PTPRD: variants seen among roughly 807,000 people sequenced by gnomAD.
PTPRD encodes receptor-type tyrosine-protein phosphatase delta.
PTPRD carries 34 observed loss-of-function variants against 214.5 expected under a neutral mutation model. That is an observed-to-expected ratio of 0.16 (90% CI 0.12 to 0.21). The LOEUF is 0.21. PTPRD is among the 10% of genes least tolerant of loss of function. The pLI is 1.00. For missense variants in PTPRD, 2,545 were observed against 2,398.7 expected (o/e 1.06, Z -1.27); for synonymous variants, 1,128 against 845.7 (o/e 1.33, Z -5.79).
At chr9:9,937,523 C>A (rs2089984813) in intron 5 of PTPRD, among the ~76,000 whole-genome samples, 1 of 151,598 alleles carries the variant, frequency 6.6e-6, no homozygotes. Context: ...ACTATAAAAA[C>A]ATAATTCTGT....
intron 7 of PTPRD, among the ~76,000 whole-genome samples, chr9:9,694,578 G>C (rs967273176): frequency 1.3e-5 from 2 of 152,048 alleles, no homozygotes; most frequent in Non-Finnish European, 2.9e-5. Flanking sequence ...GGAATGTCCA[G>C]AGATGCTGTC....
intron 11 of PTPRD, among the ~76,000 whole-genome samples, chr9:9,015,990 T>G (rs1283718987): frequency 6.6e-6 from 1 of 152,090 alleles, no homozygotes; most frequent in East Asian, 1.9e-4. Flanking sequence ...GCAGAAGAAT[T>G]GGGCCTTAAA....
chr9:8,431,558 C>T (rs1158517241), intron 35 of PTPRD, among the ~76,000 whole-genome samples: 1 of 152,054 alleles, frequency 6.6e-6, no homozygotes, highest in African/African-American at 2.4e-5. Flanking sequence ...GTGATGATGC[C>T]TACTGATTAA....
chr9:10,179,868 A>T (rs990614995), intron 3 of PTPRD, among the ~76,000 whole-genome samples: 4 of 152,128 alleles, frequency 2.6e-5, no homozygotes, highest in Non-Finnish European at 5.9e-5. Flanking sequence ...TTAGACAATA[A>T]CTGCAAAACT....
chr9:8,408,505 G>C (rs1419615989), intron 35 of PTPRD, among the ~76,000 whole-genome samples: 1 of 152,060 alleles, frequency 6.6e-6, no homozygotes, highest in Non-Finnish European at 1.5e-5. Context: ...CCGTTGTGGA[G>C]AATTTTGCAA....
intron 10 of PTPRD, among the ~76,000 whole-genome samples, chr9:9,138,929 A>G (rs925362947): frequency 1.3e-5 from 2 of 152,176 alleles, no homozygotes; most frequent in African/African-American, 4.8e-5. Flanking sequence ...TACCCTAGAC[A>G]CTAAGTAATA....
rs145143984 is a variant in PTPRD, at chr9:8,539,157, G to A, written c.353-10378C>T. Among the ~76,000 whole-genome samples the A allele has an allele frequency of 3.5e-3, 532 of 152,036 alleles. 4 individuals carry two copies. Among genetic ancestry groups the A allele is most frequent in the Middle Eastern group, 0.017 (5 of 294 alleles). On this transcript the variant is annotated intron_variant, in intron 14 of 45. Coordinates refer to ENST00000381196, the MANE Select transcript of PTPRD (RefSeq NM_002839.4). ...AACACACTGAATAAAATAAAGACAT[G>A]CATCCATACTGATATAAATAACTGA...
At chr9:10,531,872 AG>A (rs1346764130) in intron 2 of PTPRD, among the ~76,000 whole-genome samples, 1 of 152,202 alleles carries the variant, frequency 6.6e-6, no homozygotes, top group East Asian at 1.9e-4. Flanking sequence ...AACTAACTAT[AG>A]TTATTGTAAA....
intron 9 of PTPRD, among the ~76,000 whole-genome samples, chr9:9,281,633 C>A (rs1237372114): frequency 6.6e-6 from 1 of 151,278 alleles, no homozygotes. Context: ...AGCAGGAATT[C>A]TCATTTATTG....
intron 4 of PTPRD, among the ~76,000 whole-genome samples, chr9:10,002,731 A>G (rs2096359469): frequency 1.3e-5 from 2 of 151,578 alleles, no homozygotes; most frequent in Non-Finnish European, 3.0e-5. Context: ...AGAAAATTTA[A>G]CAATATGTAG....
chr9:9,126,277 C>T (rs1486234256), intron 10 of PTPRD, among the ~76,000 whole-genome samples: 8 of 152,184 alleles, frequency 5.3e-5, no homozygotes, highest in Non-Finnish European at 8.8e-5. Flanking sequence ...GGATTCAAAA[C>T]ATTTAGCAAT....
intron 5 of PTPRD, among the ~76,000 whole-genome samples, chr9:9,786,607 TTGCAGG>T (rs767532194): frequency 6.6e-6 from 1 of 152,124 alleles, no homozygotes; most frequent in Non-Finnish European, 1.5e-5. Context: ...TTAAAATCAC[TTGCAGG>T]TGGCTGGGTC....
chr9:9,131,902 GC>G (rs1456084262), intron 10 of PTPRD, among the ~76,000 whole-genome samples: 4 of 151,866 alleles, frequency 2.6e-5, no homozygotes, highest in African/African-American at 9.7e-5. Flanking sequence ...GGCTTTTCAT[GC>G]TTTGTTGTAA....
At chr9:9,703,948 AACC>A (rs1235159359) in intron 7 of PTPRD, among the ~76,000 whole-genome samples, 1 of 152,150 alleles carries the variant, frequency 6.6e-6, no homozygotes, top group Non-Finnish European at 1.5e-5. Context: ...GCAGTGGCAT[AACC>A]ACCACTCACT....
chr9:8,842,370 GATT>G (rs1352383977), intron 11 of PTPRD, among the ~76,000 whole-genome samples: 1 of 152,064 alleles, frequency 6.6e-6, no homozygotes, highest in Non-Finnish European at 1.5e-5. Context: ...CTTATAATGA[GATT>G]ATATTACTTT....
At chr9:8,359,514 A>G (rs899473586) in intron 39 of PTPRD, among the ~76,000 whole-genome samples, 3 of 152,088 alleles carry the variant, frequency 2.0e-5, no homozygotes, top group African/African-American at 7.2e-5. Flanking sequence ...TTATAGTTTT[A>G]GTAGAGACAG....
intron 3 of PTPRD, among the ~76,000 whole-genome samples, chr9:10,065,635 T>C (rs1266934562): frequency 6.6e-6 from 1 of 151,922 alleles, no homozygotes. Context: ...ACAGATTGCT[T>C]TAGTTACAAA....
At chr9:9,188,102 T>C (rs958806888) in intron 9 of PTPRD, among the ~76,000 whole-genome samples, 3 of 152,032 alleles carry the variant, frequency 2.0e-5, no homozygotes, top group Admixed American at 2.0e-4. Context: ...AACACCATCT[T>C]GACTTCTAAC....
At chr9:8,618,550 C>A (rs529462352) in intron 14 of PTPRD, among the ~76,000 whole-genome samples, 1 of 152,044 alleles carries the variant, frequency 6.6e-6, no homozygotes, top group Non-Finnish European at 1.5e-5. Flanking sequence ...TCTTGACAAT[C>A]TCCATCTACC....
Sources: allele counts gnomAD v4.1 joint callset (sites outside exome capture counted in the v4.1 genomes callset), GRCh38; gene constraint gnomAD v4.1.1; transcripts MANE v1.5; gene names NCBI Gene and HGNC (gene_info 2026-07-23, HGNC 2026-07-21).